Variants in FOXP1 observed in about 807,000 individuals in gnomAD.
FOXP1 encodes forkhead box P1.
Under a neutral mutation model 98.2 loss-of-function variants are expected in FOXP1, and 15 were observed. That is an observed-to-expected ratio of 0.15 (90% CI 0.10 to 0.24). The LOEUF is 0.24. Among genes scored for constraint, FOXP1 ranks in the 10% least tolerant of loss-of-function variants. The pLI, the probability that FOXP1 is intolerant of heterozygous loss-of-function variation, is 1.00. For synonymous variants in FOXP1, 371 were observed against 314.5 expected (o/e 1.18, Z -1.90); for missense variants, 633 against 848.5 (o/e 0.75, Z 3.15).
intron 2 of FOXP1, among the ~76,000 whole-genome samples, chr3:71,504,086 T>C (rs1354462738): frequency 6.6e-6 from 1 of 152,138 alleles, no homozygotes; most frequent in Non-Finnish European, 1.5e-5. Context: ...GTCAGTGAGC[T>C]TCTCGGAACC....
At chr3:71,001,779 A>C (rs1316985480) in intron 12 of FOXP1, among the ~76,000 whole-genome samples, 1 of 152,190 alleles carries the variant, frequency 6.6e-6, no homozygotes, top group African/African-American at 2.4e-5. Flanking sequence ...TTGAAATTTC[A>C]ATCAGTTTTA....
At chr3:71,582,732 C>T (rs1032177930) in intron 1 of FOXP1, 2 of 985,144 alleles carry the variant, frequency 2.0e-6, no homozygotes, top group Admixed American at 6.1e-5. Context: ...GCGGACTCGT[C>T]TCGGGAAAGC....
At chr3:71,217,461 T>G (rs1314375052) in intron 5 of FOXP1, among the ~76,000 whole-genome samples, 1 of 152,212 alleles carries the variant, frequency 6.6e-6, no homozygotes, top group East Asian at 1.9e-4. Flanking sequence ...TCCTTAAAAC[T>G]TTAATGATTT....
At chr3:71,294,365 C>T (rs1313295572) in intron 5 of FOXP1, among the ~76,000 whole-genome samples, 1 of 152,178 alleles carries the variant, frequency 6.6e-6, no homozygotes, top group African/African-American at 2.4e-5. Context: ...AACTTCCATA[C>T]GATGCTAAAA....
rs568131762 is a variant in FOXP1 at position 71,355,374 on chromosome 3, T to C, written c.-73+3776A>G. Among the ~76,000 whole-genome samples, 35 of 152,252 alleles carry C rather than the reference T, an allele frequency of 2.3e-4. No individual in the cohort carries two copies. In the South Asian group the frequency reaches 7.3e-3, roughly 32 times the overall value. Reference sequence around the variant, plus strand: ...TTCATGAAGGGACAGGGCTGTAACATATGGAACAAACAAGAGGTTTGGATC... The same window carrying C: ...TTCATGAAGGGACAGGGCTGTAACACATGGAACAAACAAGAGGTTTGGATC... On this transcript the variant is annotated intron_variant, in intron 4 of 20. Transcript: ENST00000649528.
intron 3 of FOXP1, among the ~76,000 whole-genome samples, chr3:71,485,868 G>A (rs2090610444): frequency 6.6e-6 from 1 of 152,076 alleles, no homozygotes; most frequent in Admixed American, 6.5e-5. Context: ...AAGCCAGGAG[G>A]TGAGGAATAT....
At chr3:71,352,414 G>A (rs531412893) in intron 4 of FOXP1, among the ~76,000 whole-genome samples, 6 of 135,614 alleles carry the variant, frequency 4.4e-5, no homozygotes, top group Admixed American at 2.7e-4. Flanking sequence ...GCAGTGAGCC[G>A]AGACTGCACC....
At chr3:71,306,631 C>CAAAAAAAAA (rs66479255) in intron 4 of FOXP1, among the ~76,000 whole-genome samples, 2 of 42,854 alleles carry the variant, frequency 4.7e-5, no homozygotes, top group African/African-American at 8.7e-5. Flanking sequence ...GAGAATAAGC[C>CAAAAAAAAA]AAAAAAAAAA....
At chr3:71,364,764 C>T (rs935241841) in intron 3 of FOXP1, among the ~76,000 whole-genome samples, 3 of 152,124 alleles carry the variant, frequency 2.0e-5, no homozygotes, top group Non-Finnish European at 2.9e-5. Context: ...AAAAGTGATG[C>T]GTTTCAGATG....
At chr3:71,381,312 G>A (rs889085847) in intron 3 of FOXP1, among the ~76,000 whole-genome samples, 10 of 151,850 alleles carry the variant, frequency 6.6e-5, no homozygotes, top group Non-Finnish European at 1.5e-4. Context: ...CACCGCGCCC[G>A]GCTAATTTTT....
intron 5 of FOXP1, among the ~76,000 whole-genome samples, chr3:71,297,312 C>T (rs1279736005): frequency 6.6e-6 from 1 of 151,874 alleles, no homozygotes; most frequent in Non-Finnish European, 1.5e-5. Flanking sequence ...TGACAAATTT[C>T]TAGAAACATT....
chr3:71,253,267 G>A (rs2068358550), intron 5 of FOXP1, among the ~76,000 whole-genome samples: 1 of 152,222 alleles, frequency 6.6e-6, no homozygotes, highest in Non-Finnish European at 1.5e-5. Flanking sequence ...GTGGACAGCT[G>A]GGCATGTATC....
chr3:71,037,358 A>C (rs1377109115), intron 11 of FOXP1, among the ~76,000 whole-genome samples: 4 of 152,188 alleles, frequency 2.6e-5, no homozygotes, highest in African/African-American at 9.7e-5. Flanking sequence ...ATTTTAATAG[A>C]TGTTTCATTT....
chr3:71,550,368 C>T (rs1435483545), intron 2 of FOXP1, among the ~76,000 whole-genome samples: 1 of 152,194 alleles, frequency 6.6e-6, no homozygotes, highest in Non-Finnish European at 1.5e-5. Flanking sequence ...TATAACCGCT[C>T]CGTGCCTCAG....
intron 2 of FOXP1, among the ~76,000 whole-genome samples, chr3:71,579,825 T>C (rs1159723970): frequency 1.3e-5 from 2 of 152,020 alleles, no homozygotes; most frequent in African/African-American, 4.8e-5. Context: ...GACGACTTAA[T>C]ATTCCTTTAA....
At chr3:71,142,290 C>T (rs1237343233) in intron 6 of FOXP1, among the ~76,000 whole-genome samples, 3 of 152,190 alleles carry the variant, frequency 2.0e-5, no homozygotes, top group Non-Finnish European at 4.4e-5. Flanking sequence ...GTGACCCTTA[C>T]ATTCCTATGC....
chr3:71,019,871 C>CAA (rs2045168642), intron 11 of FOXP1, among the ~76,000 whole-genome samples: 1 of 149,016 alleles, frequency 6.7e-6, no homozygotes, highest in Non-Finnish European at 1.5e-5. Flanking sequence ...CAAAACAAAA[C>CAA]AAAACATAAA....
intron 9 of FOXP1, among the ~76,000 whole-genome samples, chr3:71,049,962 A>G (rs2049619561): frequency 6.6e-6 from 1 of 152,108 alleles, no homozygotes; most frequent in South Asian, 2.1e-4. Context: ...CCTACCTCAA[A>G]GGATATTCAA....
Position 71,349,512 on chromosome 3 carries a change from G to A in FOXP1, c.-73+9638C>T, listed in dbSNP as rs892190511. ...AATATGGGATGAATTGTGGGCCAAGGAGAAAATATGATGGACATGAAAATT... is the reference window on the plus strand; with the variant it reads ...AATATGGGATGAATTGTGGGCCAAGAAGAAAATATGATGGACATGAAAATT... On this transcript the variant is annotated intron_variant, in intron 4 of 20. Coordinates refer to ENST00000649528, the MANE Select transcript of FOXP1 (RefSeq NM_001349338.3). 1.1e-4 allele frequency among the ~76,000 whole-genome samples: 17 copies of A among 152,214 alleles called. 1 individual carries two copies. Among genetic ancestry groups the A allele is most frequent in the African/African-American group, 4.1e-4 (17 of 41,528 alleles).
Sources: gnomAD v4.1 joint callset for allele counts (sites outside exome capture counted in the v4.1 genomes callset) on GRCh38, gnomAD v4.1.1 for gene constraint, MANE v1.5 for transcripts, NCBI Gene and HGNC (gene_info 2026-07-23, HGNC 2026-07-21) for gene names.